KCNMA1: variants seen among roughly 807,000 people sequenced by gnomAD.
KCNMA1 encodes potassium calcium-activated channel subfamily M alpha 1, also known as Calcium-activated potassium channel subunit alpha-1.
A neutral mutation model predicts 140.0 loss-of-function variants in KCNMA1; 29 were observed. The ratio of observed to expected loss-of-function variants is 0.21; its 90% CI spans 0.15 to 0.28. The LOEUF is 0.28. Ranked by LOEUF, KCNMA1 falls within the 10% of genes least tolerant of loss-of-function variation. The pLI is 1.00. For synonymous variants in KCNMA1, 612 were observed against 611.9 expected (o/e 1.00, Z 0.00); for missense variants, 880 against 1,602.2 (o/e 0.55, Z 7.70).
chr10:76,952,034 C>T, intron 21 of KCNMA1: 1 of 1,551,982 alleles, frequency 6.4e-7, no homozygotes, highest in Non-Finnish European at 8.7e-7. Flanking sequence ...AGTAGTAACT[C>T]ACCTCCTTAA....
At chr10:77,139,367 C>T (rs1411634693) in intron 5 of KCNMA1, among the ~76,000 whole-genome samples, 1 of 152,108 alleles carries the variant, frequency 6.6e-6, no homozygotes, top group Non-Finnish European at 1.5e-5. Flanking sequence ...AACAATCTGG[C>T]CAGCTAATTC....
At position 76,870,314 on chromosome 10, in the gene KCNMA1, A is replaced by C. The variant is rs144319201; in HGVS notation, c.*7555T>G. 5.3e-5 allele frequency: 8 copies of C among 152,244 alleles called. No individual in the cohort carries two copies. In the East Asian group the frequency reaches 1.6e-3, roughly 30 times the overall value. 9.4% of individuals were successfully genotyped at this position (152,244 alleles called of 1,614,324 possible). On this transcript the variant is annotated 3_prime_UTR_variant, in exon 28 of 28. Transcript: ENST00000604624. ...AGGCGTGTGTCAATGCCTTGTGTAC[A>C]TTTCCATCTAAGATTCTAAACAGTG... is the stretch of plus-strand genomic sequence containing the variant.
At chr10:77,303,769 CA>C (rs2077052080) in intron 2 of KCNMA1, among the ~76,000 whole-genome samples, 1 of 152,176 alleles carries the variant, frequency 6.6e-6, no homozygotes, top group South Asian at 2.1e-4. Flanking sequence ...CTTAAAGACT[CA>C]GAATTTGAGC....
chr10:77,347,361 G>A lies in KCNMA1; in HGVS notation c.540+56501C>T, dbSNP rs544543161. On this transcript the variant is annotated intron_variant, in intron 2 of 27. Coordinates refer to ENST00000286628, the MANE Select transcript of KCNMA1 (RefSeq NM_001161352.2). ...GAAAAGTTAAGTAACCTGCACAAAG[G>A]CAAGGAGGTAGAGACGAGTGAACTT... Among the ~76,000 whole-genome samples, 3 of 152,328 alleles carry A rather than the reference G, an allele frequency of 2.0e-5. No homozygotes were observed. In the South Asian group the frequency reaches 6.2e-4, roughly 32 times the overall value.
intron 1 of KCNMA1, among the ~76,000 whole-genome samples, chr10:77,480,796 C>T (rs899985259): frequency 1.3e-5 from 2 of 152,048 alleles, no homozygotes; most frequent in African/African-American, 4.8e-5. Context: ...TTTCTCTCCC[C>T]ATAGGGTGAA....
intron 1 of KCNMA1, among the ~76,000 whole-genome samples, chr10:77,407,439 G>C (rs918146316): frequency 6.6e-6 from 1 of 152,204 alleles, no homozygotes; most frequent in African/African-American, 2.4e-5. Flanking sequence ...GGCCACCATT[G>C]AACAAGCCAG....
At chr10:77,267,623 G>A (rs1448445678) in intron 2 of KCNMA1, among the ~76,000 whole-genome samples, 1 of 152,136 alleles carries the variant, frequency 6.6e-6, no homozygotes, top group Non-Finnish European at 1.5e-5. Context: ...CCAAAAATGG[G>A]TTCACAAAGG....
intron 20 of KCNMA1, among the ~76,000 whole-genome samples, chr10:76,964,004 G>A (rs1193207103): frequency 6.6e-6 from 1 of 151,960 alleles, no homozygotes; most frequent in Non-Finnish European, 1.5e-5. Context: ...ATTCTTGGGT[G>A]CCTTGGCTCC....
intron 2 of KCNMA1, among the ~76,000 whole-genome samples, chr10:77,311,123 AAG>A (rs1475660337): frequency 6.6e-6 from 1 of 152,208 alleles, no homozygotes; most frequent in Non-Finnish European, 1.5e-5. Flanking sequence ...AAATTCTGTG[AAG>A]AGTCTCCAGC....
intron 17 of KCNMA1, among the ~76,000 whole-genome samples, chr10:77,017,155 G>A (rs1018254988): frequency 1.3e-5 from 2 of 152,092 alleles, no homozygotes; most frequent in Non-Finnish European, 2.9e-5. Context: ...TTTTTTGGAC[G>A]GCCTGATATT....
At chr10:77,534,472 T>C (rs1382281597) in intron 1 of KCNMA1, among the ~76,000 whole-genome samples, 2 of 152,168 alleles carry the variant, frequency 1.3e-5, no homozygotes, top group Admixed American at 6.5e-5. Flanking sequence ...AGGAAGAAAC[T>C]AGATACGAGG....
At chr10:76,959,040 T>C (rs996383553) in intron 20 of KCNMA1, among the ~76,000 whole-genome samples, 2 of 152,160 alleles carry the variant, frequency 1.3e-5, no homozygotes, top group Non-Finnish European at 2.9e-5. Context: ...ATATATGTAA[T>C]ACCCAGTATC....
intron 1 of KCNMA1, among the ~76,000 whole-genome samples, chr10:77,434,358 C>A (rs1346227549): frequency 6.6e-6 from 1 of 152,202 alleles, no homozygotes; most frequent in Non-Finnish European, 1.5e-5. Flanking sequence ...TTGTTCTGGA[C>A]AGTGTGGGCT....
At chr10:77,574,769 T>C (rs1378736717) in intron 1 of KCNMA1, among the ~76,000 whole-genome samples, 1 of 152,196 alleles carries the variant, frequency 6.6e-6, no homozygotes, top group Non-Finnish European at 1.5e-5. Flanking sequence ...TCACATGAGG[T>C]CATACTTTGA....
intron 23 of KCNMA1, among the ~76,000 whole-genome samples, chr10:76,923,617 G>A (rs1042170738): frequency 1.3e-5 from 2 of 152,092 alleles, no homozygotes; most frequent in South Asian, 4.1e-4. Flanking sequence ...GTTTACCCAA[G>A]AGCTCATGGT....
At chr10:77,028,501 G>C (rs1190290323) in intron 15 of KCNMA1, among the ~76,000 whole-genome samples, 1 of 151,922 alleles carries the variant, frequency 6.6e-6, no homozygotes, top group Non-Finnish European at 1.5e-5. Flanking sequence ...CCCTTCCCTT[G>C]TGCGTTCCCC....
chr10:77,415,939 T>G (rs1227874741), intron 1 of KCNMA1, among the ~76,000 whole-genome samples: 3 of 152,262 alleles, frequency 2.0e-5, no homozygotes, highest in Admixed American at 2.0e-4. Flanking sequence ...CATGTCCTTT[T>G]AATGAAATGA....
At chr10:77,437,001 T>G (rs949753513) in intron 1 of KCNMA1, among the ~76,000 whole-genome samples, 1 of 136,076 alleles carries the variant, frequency 7.3e-6, no homozygotes, top group Non-Finnish European at 1.5e-5. Context: ...CACACACTCC[T>G]TCAGCCAAAA....
chr10:77,453,696 A>G (rs978549515), intron 1 of KCNMA1, among the ~76,000 whole-genome samples: 5 of 152,206 alleles, frequency 3.3e-5, no homozygotes, highest in Admixed American at 6.5e-5. Context: ...TGGAATTCAC[A>G]GGCCAGGGCA....
Sources: allele counts gnomAD v4.1 joint callset (sites outside exome capture counted in the v4.1 genomes callset), GRCh38; gene constraint gnomAD v4.1.1; transcripts MANE v1.5; gene names NCBI Gene and HGNC (gene_info 2026-07-23, HGNC 2026-07-21).